The following MLF1 variants were observed in gnomAD, a reference collection of about 807,000 sequenced individuals.
MLF1 encodes myelodysplasia-myeloid leukemia factor 1.
Under a neutral mutation model 38.3 loss-of-function variants are expected in MLF1, and 37 were observed. That is an observed-to-expected ratio of 0.96 (90% CI 0.74 to 1.27). The LOEUF is 1.27. Among genes scored for constraint, MLF1 ranks in the 50% most tolerant of loss-of-function variants. MLF1 has a pLI of 0.00. For synonymous variants in MLF1, 95 were observed against 106.5 expected, an observed-to-expected ratio of 0.89 and a Z score of 0.66; for missense variants, 331 against 349.2, an observed-to-expected ratio of 0.95 and a Z score of 0.42.
chr3:158,601,761 G>A (rs1022851514), intron 6 of MLF1, among the ~76,000 whole-genome samples: 1 of 151,672 alleles, frequency 6.6e-6, no homozygotes, highest in African/African-American at 2.4e-5. Context: ...GTTGGGTGGA[G>A]GGGAGGAAGA....
At chr3:158,601,138 T>C (rs1034253619) in intron 6 of MLF1, among the ~76,000 whole-genome samples, 1 of 152,092 alleles carries the variant, frequency 6.6e-6, no homozygotes, top group African/African-American at 2.4e-5. Context: ...ATTGTTGTAT[T>C]AAAAAAGAAA....
chr3:158,597,753 C>T (rs1250744832), intron 4 of MLF1, among the ~76,000 whole-genome samples: 3 of 152,122 alleles, frequency 2.0e-5, no homozygotes, highest in African/African-American at 7.2e-5. Context: ...GGTTTGGGGG[C>T]ATAGCATCTT....
At chr3:158,597,771 A>G (rs1177721561) in intron 4 of MLF1, among the ~76,000 whole-genome samples, 1 of 152,158 alleles carries the variant, frequency 6.6e-6, no homozygotes, top group Admixed American at 6.5e-5. Flanking sequence ...CTTTATTGAA[A>G]TCTAAGCCAC....
At chr3:158,573,024 C>G (rs970411003) in intron 1 of MLF1, among the ~76,000 whole-genome samples, 1 of 151,788 alleles carries the variant, frequency 6.6e-6, no homozygotes, top group African/African-American at 2.4e-5. Context: ...TAACTACCAT[C>G]TCGGTGAAAC....
At chr3:158,575,577 A>G (rs1715302010) in intron 1 of MLF1, among the ~76,000 whole-genome samples, 1 of 152,204 alleles carries the variant, frequency 6.6e-6, no homozygotes, top group African/African-American at 2.4e-5. Context: ...TCCTTAATGA[A>G]TCATCCACTG....
At chr3:158,576,454 T>G (rs1217934606) in intron 1 of MLF1, among the ~76,000 whole-genome samples, 5 of 152,192 alleles carry the variant, frequency 3.3e-5, no homozygotes, top group Non-Finnish European at 7.3e-5. Flanking sequence ...TGGCATCCTG[T>G]ACCCTAAAAA....
At chr3:158,575,786 T>C (rs1208436284) in intron 1 of MLF1, among the ~76,000 whole-genome samples, 1 of 152,156 alleles carries the variant, frequency 6.6e-6, no homozygotes, top group Non-Finnish European at 1.5e-5. Context: ...ATCATTTGCA[T>C]TCAACAAATA....
intron 3 of MLF1, among the ~76,000 whole-genome samples, chr3:158,595,183 G>A (rs1718706992): frequency 6.6e-6 from 1 of 152,092 alleles, no homozygotes; most frequent in Non-Finnish European, 1.5e-5. Flanking sequence ...GAGATGGGGG[G>A]AAGTGAAGGA....
intron 1 of MLF1, among the ~76,000 whole-genome samples, chr3:158,572,112 G>A (rs1327427560): frequency 8.2e-6 from 1 of 122,660 alleles, no homozygotes; most frequent in Non-Finnish European, 1.7e-5. Context: ...GGAGCATGAG[G>A]TGTGGGGGAG....
At chr3:158,598,417 C>T (rs548999698) in intron 5 of MLF1, among the ~76,000 whole-genome samples, 1 of 146,258 alleles carries the variant, frequency 6.8e-6, no homozygotes, top group East Asian at 2.1e-4. Flanking sequence ...TTTTTGTAGC[C>T]CCCCCACCCC....
chr3:158,580,662 A>T (rs993940825), intron 1 of MLF1, among the ~76,000 whole-genome samples: 5 of 152,072 alleles, frequency 3.3e-5, no homozygotes, highest in Non-Finnish European at 7.4e-5. Flanking sequence ...ATCCTACAAG[A>T]ATCTGGTATG....
intron 1 of MLF1, among the ~76,000 whole-genome samples, chr3:158,579,850 A>C (rs1436970313): frequency 1.3e-5 from 2 of 152,182 alleles, no homozygotes; most frequent in Non-Finnish European, 2.9e-5. Flanking sequence ...CAAGCATTTT[A>C]GTCTCCATAC....
chr3:158,600,036 TGA>T lies in MLF1; in HGVS notation c.481_482del (p.Asp161PhefsTer2), dbSNP rs1416831448. On this transcript the variant is annotated frameshift_variant, in exon 6 of 8. Coordinates refer to ENST00000466246, the MANE Select transcript of MLF1 (RefSeq NM_001369783.1). LOFTEE classifies it high-confidence loss of function. ...CAGATAAAGGAAACCAGGAAAGCAA[TGA>T]GAGATTCTGACAGTGGACTAGAAAA... 1 of 1,419,190 alleles carries T rather than the reference TGA, an allele frequency of 7.0e-7. No individual in the cohort carries two copies. The highest frequency in any genetic ancestry group is 1.5e-5 in the African/African-American group (1 of 68,160). 87.9% of individuals were successfully genotyped at this position (1,419,190 alleles called of 1,614,324 possible).
In MLF1 at chr3:158,602,894, G is replaced by A. The variant is rs142947056; in HGVS notation, c.701G>A (p.Arg234Lys). The A allele has an allele frequency of 3.7e-6, 6 of 1,613,522 alleles. No homozygotes were observed. Among genetic ancestry groups the A allele is most frequent in the Admixed American group, 1.7e-5 (1 of 60,010 alleles). ...GRHNLGNTRM[R>K]SVGHENPGSR... ...CACAATCTAGGAAACACTAGAATGA[G>A]AAGTGTTGGCCATGAGAATCCTGGC... The change falls in exon 7 of 8, where the codon AGA becomes AAA. Residue 234 changes from arginine to lysine, a missense_variant. Arg to Lys is a conservative substitution (Grantham distance 26). Coordinates refer to ENST00000466246, the MANE Select transcript of MLF1 (RefSeq NM_001369783.1).
intron 1 of MLF1, among the ~76,000 whole-genome samples, chr3:158,582,152 C>T (rs902619409): frequency 6.6e-6 from 1 of 151,858 alleles, no homozygotes; most frequent in Admixed American, 6.6e-5. Context: ...TGCACTCCAG[C>T]CTGGGCAACA....
At position 158,598,148 on chromosome 3, in the gene MLF1, A is replaced by G. The variant is rs1451552456; in HGVS notation, c.393A>G (p.Ile131Met). 3 of 1,613,870 alleles carry G rather than the reference A, an allele frequency of 1.9e-6. No individual in the cohort carries two copies. Among genetic ancestry groups the G allele is most frequent in the Non-Finnish European group, 2.5e-6 (3 of 1,179,910 alleles). ...CSSSVMTYSK[I>M]GDEPPKVFQA... ...CCTCAGTTATGACTTATTCCAAAAT[A>G]GGAGATGAACCGCCAAAGGTTTTTC... Residue 131 changes from isoleucine to methionine, a missense_variant, in exon 5 of 8, where the codon ATA becomes ATG. Coordinates refer to ENST00000466246, the MANE Select transcript of MLF1 (RefSeq NM_001369783.1).
intron 1 of MLF1, among the ~76,000 whole-genome samples, 188 bp from the exon 2 acceptor site, chr3:158,592,246 G>A (rs1428445600): frequency 6.6e-6 from 1 of 151,898 alleles, no homozygotes; most frequent in African/African-American, 2.4e-5. Context: ...TTGTAAGTAG[G>A]GAACCATCTA....
rs1718305871 is a variant in MLF1, at chr3:158,592,538, C to T, written c.152C>T (p.Ala51Val). 1.2e-6 allele frequency: 2 copies of T among 1,611,914 alleles called. No homozygotes were observed. The highest frequency in any genetic ancestry group is 1.7e-6 in the Non-Finnish European group (2 of 1,179,400). ...LLSISDGRGR[A>V]HNRRGHNDGE... ...AGTATCTCTGATGGTAGAGGGAGAG[C>T]TCATAATCGTAGAGGACATAATGAT... The change falls in exon 2 of 8, where the codon GCT becomes GTT. Residue 51 changes from alanine (A) to valine (V), a missense_variant. By Grantham distance (64) the Ala-to-Val change is moderately conservative. Coordinates refer to ENST00000466246, the MANE Select transcript of MLF1 (RefSeq NM_001369783.1).
At chr3:158,572,792 T>G (rs1434312020) in intron 1 of MLF1, among the ~76,000 whole-genome samples, 67 of 90,348 alleles carry the variant, frequency 7.4e-4, no homozygotes, top group African/African-American at 1.0e-3. Flanking sequence ...GGGAGGAGGG[T>G]TTGGGGGCGT....
Sources: allele counts gnomAD v4.1 joint callset (sites outside exome capture counted in the v4.1 genomes callset), GRCh38; gene constraint gnomAD v4.1.1; transcripts MANE v1.5; gene names NCBI Gene and HGNC (gene_info 2026-07-23, HGNC 2026-07-21).